SPAG16: variants seen among roughly 807,000 people sequenced by gnomAD.
The protein encoded by SPAG16 is sperm associated antigen 16, also known as sperm-associated antigen 16 protein.
In SPAG16, 86 loss-of-function variants were observed where a neutral mutation model predicts 80.4. The ratio of observed to expected loss-of-function variants is 1.07; its 90% CI spans 0.90 to 1.28. The LOEUF is 1.28. Ranked by LOEUF, SPAG16 falls within the 50% of genes most tolerant of loss-of-function variation. The pLI is 0.00. For synonymous variants in SPAG16, 294 were observed against 265.9 expected, an observed-to-expected ratio of 1.11 and a Z score of -1.03; for missense variants, 870 against 765.3, an observed-to-expected ratio of 1.14 and a Z score of -1.61.
chr2:213,704,559 G>A (rs1262968361), intron 10 of SPAG16, among the ~76,000 whole-genome samples: 1 of 151,960 alleles, frequency 6.6e-6, no homozygotes, highest in Non-Finnish European at 1.5e-5. Context: ...GTTGGAGTAG[G>A]CACCCCACAA....
At chr2:214,187,218 A>C (rs906295281) in intron 15 of SPAG16, among the ~76,000 whole-genome samples, 1 of 152,118 alleles carries the variant, frequency 6.6e-6, no homozygotes, top group Non-Finnish European at 1.5e-5. Context: ...CCACACACAC[A>C]CACACACAAA....
intron 9 of SPAG16, among the ~76,000 whole-genome samples, chr2:213,463,038 G>C (rs940589529): frequency 6.6e-6 from 1 of 152,192 alleles, no homozygotes; most frequent in Non-Finnish European, 1.5e-5. Context: ...TAGTAATGAA[G>C]TCCAGGCTGA....
At chr2:213,723,020 A>G (rs1574943203) in intron 10 of SPAG16, among the ~76,000 whole-genome samples, 1 of 152,128 alleles carries the variant, frequency 6.6e-6, no homozygotes, top group Admixed American at 6.5e-5. Flanking sequence ...TTCCACATGA[A>G]TTTTGAGGGG....
At chr2:214,379,031 T>C (rs1362826893) in intron 15 of SPAG16, among the ~76,000 whole-genome samples, 1 of 152,206 alleles carries the variant, frequency 6.6e-6, no homozygotes, top group Non-Finnish European at 1.5e-5. Context: ...ACCGTCTGGC[T>C]TACCTGCTGC....
chr2:213,542,010 A>G (rs946217360), intron 10 of SPAG16, among the ~76,000 whole-genome samples: 4 of 152,098 alleles, frequency 2.6e-5, no homozygotes, highest in African/African-American at 9.7e-5. Context: ...TTAATCCAGC[A>G]AAAAAAGTCT....
At chr2:213,840,559 C>A (rs1429454202) in intron 10 of SPAG16, among the ~76,000 whole-genome samples, 1 of 152,094 alleles carries the variant, frequency 6.6e-6, no homozygotes, top group Admixed American at 6.6e-5. Context: ...AAAAAAAAAT[C>A]CTTTCAAGGT....
At chr2:213,711,510 T>C (rs186621650) in intron 10 of SPAG16, among the ~76,000 whole-genome samples, 48 of 151,520 alleles carry the variant, frequency 3.2e-4, no homozygotes, top group African/African-American at 1.0e-3. Context: ...TTATTTATTT[T>C]TTACAATTTT....
intron 15 of SPAG16, among the ~76,000 whole-genome samples, chr2:214,277,637 T>A (rs1692570800): frequency 6.6e-6 from 1 of 152,202 alleles, no homozygotes; most frequent in African/African-American, 2.4e-5. Context: ...TAGCAAATAT[T>A]GCAGAACAGC....
chr2:213,402,047 T>C (rs2068336466), intron 9 of SPAG16, among the ~76,000 whole-genome samples: 2 of 152,112 alleles, frequency 1.3e-5, no homozygotes. Flanking sequence ...GAAAGGTAAT[T>C]TATAAAGACA....
chr2:213,510,227 T>C (rs2075167217), intron 10 of SPAG16, among the ~76,000 whole-genome samples: 1 of 152,302 alleles, frequency 6.6e-6, no homozygotes, highest in African/African-American at 2.4e-5. Flanking sequence ...CCATCCATAA[T>C]AGGACAAAGT....
At chr2:213,765,811 C>T (rs1250390886) in intron 10 of SPAG16, among the ~76,000 whole-genome samples, 1 of 152,084 alleles carries the variant, frequency 6.6e-6, no homozygotes, top group Non-Finnish European at 1.5e-5. Context: ...TATGGTTGTG[C>T]TGGAAGTTGA....
intron 5 of SPAG16, among the ~76,000 whole-genome samples, chr2:213,336,134 G>C (rs2064348219): frequency 6.6e-6 from 1 of 152,210 alleles, no homozygotes. Context: ...GTGAGGGATT[G>C]TGCTACCCCT....
At chr2:213,856,826 A>G (rs906436166) in intron 10 of SPAG16, among the ~76,000 whole-genome samples, 24 of 143,258 alleles carry the variant, frequency 1.7e-4, no homozygotes, top group African/African-American at 5.7e-4. Context: ...TTGAGGAAAG[A>G]AGCTATCTCC....
intron 12 of SPAG16, among the ~76,000 whole-genome samples, chr2:213,961,380 C>T (rs1445557470): frequency 6.6e-6 from 1 of 152,056 alleles, no homozygotes; most frequent in African/African-American, 2.4e-5. Context: ...TATCTGGATA[C>T]CTTTTATTTC....
intron 15 of SPAG16, among the ~76,000 whole-genome samples, chr2:214,274,322 C>T (rs932626624): frequency 6.6e-6 from 1 of 152,154 alleles, no homozygotes; most frequent in African/African-American, 2.4e-5. Flanking sequence ...CCAGAACTTC[C>T]AACACTGTGT....
chr2:213,962,744 A>C (rs779777356), intron 12 of SPAG16, among the ~76,000 whole-genome samples: 2 of 152,206 alleles, frequency 1.3e-5, no homozygotes, highest in Non-Finnish European at 2.9e-5. Context: ...ACTCATTGTA[A>C]GTTTATTAAA....
chr2:213,862,560 A>G lies in SPAG16; in HGVS notation c.1146A>G (p.Pro382=), dbSNP rs746124424. 7.4e-6 allele frequency: 12 copies of G among 1,614,076 alleles called. No individual in the cohort carries two copies. Among genetic ancestry groups the G allele is most frequent in the Non-Finnish European group, 1.0e-5 (12 of 1,180,026 alleles). ...EDRLWKVLGL[P]KCNVLLTGFG... ...GACTCTGGAAGGTGTTGGGCCTTCC[A>G]AAATGCAATGTGCTTCTCACGGGAT... Residue 382 remains proline (P), a synonymous_variant, in exon 11 of 16, where the codon CCA becomes CCG. Coordinates refer to ENST00000331683, the MANE Select transcript of SPAG16 (RefSeq NM_024532.5).
chr2:213,963,337 T>G (rs956899367), intron 12 of SPAG16, among the ~76,000 whole-genome samples: 5 of 152,158 alleles, frequency 3.3e-5, no homozygotes, highest in African/African-American at 1.2e-4. Flanking sequence ...TTTTTTAAAA[T>G]TTCTCAAATT....
intron 9 of SPAG16, among the ~76,000 whole-genome samples, chr2:213,445,465 C>A (rs2071234903): frequency 6.6e-6 from 1 of 152,074 alleles, no homozygotes; most frequent in Non-Finnish European, 1.5e-5. Flanking sequence ...AGATCGAGAC[C>A]AGCCTGGCCA....
Sources: allele counts gnomAD v4.1 joint callset (sites outside exome capture counted in the v4.1 genomes callset), GRCh38; gene constraint gnomAD v4.1.1; transcripts MANE v1.5; gene names NCBI Gene and HGNC (gene_info 2026-07-23, HGNC 2026-07-21).